The following NEGR1 variants were observed in gnomAD, a reference collection of about 807,000 sequenced individuals.
NEGR1 encodes the protein IgLON family member 4.
Under a neutral mutation model 40.9 loss-of-function variants are expected in NEGR1, and 10 were observed. The observed-to-expected ratio is 0.24, with a 90% CI of 0.15 to 0.42. NEGR1 has a LOEUF of 0.42. NEGR1 is among the 10% of genes least tolerant of loss of function. NEGR1 has a pLI of 1.00. For synonymous variants in NEGR1, 185 were observed against 166.8 expected, an observed-to-expected ratio of 1.11 and a Z score of -0.84; for missense variants, 352 against 438.9, an observed-to-expected ratio of 0.80 and a Z score of 1.77.
intron 2 of NEGR1, among the ~76,000 whole-genome samples, chr1:71,885,392 C>A (rs1401768246): frequency 6.6e-6 from 1 of 152,212 alleles, no homozygotes; most frequent in East Asian, 1.9e-4. Context: ...CTCCAGAAGT[C>A]TTGACTCACA....
intron 1 of NEGR1, among the ~76,000 whole-genome samples, chr1:72,191,324 A>G (rs1278040180): frequency 6.6e-6 from 1 of 151,746 alleles, no homozygotes; most frequent in Non-Finnish European, 1.5e-5. Context: ...TATGTGGTTA[A>G]AAGTTCCATG....
chr1:71,776,114 G>A (rs1656497897), intron 3 of NEGR1, 58 bp downstream of exon 3: 1 of 1,349,824 alleles, frequency 7.4e-7, no homozygotes, highest in Non-Finnish European at 9.9e-7. Context: ...AGTGAGGTTA[G>A]TGAGGTTACA....
intron 2 of NEGR1, among the ~76,000 whole-genome samples, chr1:71,923,876 T>G (rs1645744606): frequency 6.6e-6 from 1 of 152,150 alleles, no homozygotes; most frequent in Non-Finnish European, 1.5e-5. Flanking sequence ...TCACTGGGCC[T>G]GACTGGATAA....
At chr1:71,719,297 A>G (rs1654376264) in intron 3 of NEGR1, among the ~76,000 whole-genome samples, 1 of 152,232 alleles carries the variant, frequency 6.6e-6, no homozygotes, top group African/African-American at 2.4e-5. Context: ...TACATAACAA[A>G]TGTTCATTTC....
At chr1:71,767,268 A>G (rs1258234824) in intron 3 of NEGR1, among the ~76,000 whole-genome samples, 2 of 152,162 alleles carry the variant, frequency 1.3e-5, no homozygotes, top group African/African-American at 4.8e-5. Flanking sequence ...TGATAGGGAT[A>G]TGGACAATGA....
intron 6 of NEGR1, among the ~76,000 whole-genome samples, chr1:71,441,833 GAT>G (rs992301560): frequency 1.1e-4 from 17 of 152,248 alleles, no homozygotes; most frequent in African/African-American, 4.1e-4. Context: ...TACAAACAAA[GAT>G]AGTCCAATTA....
At chr1:72,121,757 C>T (rs1649813449) in intron 1 of NEGR1, among the ~76,000 whole-genome samples, 1 of 151,958 alleles carries the variant, frequency 6.6e-6, no homozygotes, top group South Asian at 2.1e-4. Flanking sequence ...CACCAAAATT[C>T]AATGTTTAAA....
At chr1:71,879,049 C>G (rs939908792) in intron 2 of NEGR1, among the ~76,000 whole-genome samples, 1 of 151,642 alleles carries the variant, frequency 6.6e-6, no homozygotes, top group Non-Finnish European at 1.5e-5. Context: ...AGGAGAATCA[C>G]TTGAACCCGG....
At chr1:72,133,775 T>A (rs1384561692) in intron 1 of NEGR1, among the ~76,000 whole-genome samples, 1 of 151,320 alleles carries the variant, frequency 6.6e-6, no homozygotes, top group East Asian at 1.9e-4. Flanking sequence ...ATAGAAAAAA[T>A]AATTAATTAT....
At chr1:71,721,479 A>G (rs1316022987) in intron 3 of NEGR1, among the ~76,000 whole-genome samples, 4 of 56,740 alleles carry the variant, frequency 7.0e-5, no homozygotes, top group African/African-American at 1.3e-4. Flanking sequence ...TGGTACAAAA[A>G]ATAAAATAAA....
chr1:72,054,041 A>G (rs1647087420), intron 1 of NEGR1, among the ~76,000 whole-genome samples: 1 of 151,294 alleles, frequency 6.6e-6, no homozygotes, highest in Non-Finnish European at 1.5e-5. Flanking sequence ...TAAACCTGCT[A>G]GACTTAATTA....
In NEGR1 at chr1:71,784,924, T is replaced by C. The variant is rs1279528844; in HGVS notation, c.410-8627A>G. On this transcript the variant is annotated intron_variant, in intron 2 of 6. Transcript: ENST00000357731. ...TTTGGTTGCAGGCAAATTTCTCGCA[T>C]GCTGTACAAACATTTTATTTTGAAG... Among the ~76,000 whole-genome samples, 170 of 152,344 alleles carry C rather than the reference T, an allele frequency of 1.1e-3. 2 individuals carry two copies. The highest frequency in any genetic ancestry group is 2.9e-5 in the Non-Finnish European group (2 of 68,026).
intron 2 of NEGR1, among the ~76,000 whole-genome samples, chr1:71,807,023 G>T (rs1657801791): frequency 6.6e-6 from 1 of 151,014 alleles, no homozygotes; most frequent in Admixed American, 6.6e-5. Context: ...CTCCCAAGTA[G>T]CTGGGACTAC....
chr1:72,244,889 A>G (rs1267558065), intron 1 of NEGR1, among the ~76,000 whole-genome samples: 1 of 152,002 alleles, frequency 6.6e-6, no homozygotes, highest in Non-Finnish European at 1.5e-5. Context: ...GATACATCAA[A>G]GCCTTTTTGT....
chr1:72,258,012 G>C (rs1655331344), intron 1 of NEGR1, among the ~76,000 whole-genome samples: 1 of 152,092 alleles, frequency 6.6e-6, no homozygotes. Flanking sequence ...GATGGCAATA[G>C]ATCTATTGCC....
Position 71,399,364 on chromosome 1 carries a change from A to T in NEGR1, c.*8082T>A, listed in dbSNP as rs893576712. On this transcript the variant is annotated 3_prime_UTR_variant, in exon 7 of 7. Transcript: ENST00000357731. ...CAAAGCATAATTTAGTTGTTTATCA[A>T]CAAGAAAAATGTATTACAAGAAATT... is the stretch of plus-strand genomic sequence containing the variant. The T allele has an allele frequency of 2.0e-5, 3 of 152,198 alleles. No homozygotes were observed. The highest frequency in any genetic ancestry group is 7.2e-5 in the African/African-American group (3 of 41,460). 9.4% of individuals were successfully genotyped at this position (152,198 alleles called of 1,614,324 possible).
In NEGR1 at chr1:71,481,588, T is replaced by C. The variant is rs556474026; in HGVS notation, c.941-74018A>G. 2.6e-5 allele frequency among the ~76,000 whole-genome samples: 4 copies of C among 152,038 alleles called. No homozygotes were observed. In the South Asian group the frequency reaches 8.3e-4, roughly 32 times the overall value. The stretch of plus-strand genomic sequence containing the variant: ...GGTGTTCTTTGGAGCATGATTTTTA[T>C]ACGAATAGTCTAGATTTTTCCACCA... On this transcript the variant is annotated intron_variant, in intron 6 of 6. Coordinates refer to ENST00000357731, the MANE Select transcript of NEGR1 (RefSeq NM_173808.3).
intron 4 of NEGR1, among the ~76,000 whole-genome samples, chr1:71,685,158 G>A (rs1414326677): frequency 4.6e-5 from 7 of 151,964 alleles, no homozygotes; most frequent in Non-Finnish European, 8.8e-5. Context: ...CTTTTTGTGC[G>A]TGTTTCAATT....
At chr1:71,573,223 A>G (rs1648860629) in intron 6 of NEGR1, among the ~76,000 whole-genome samples, 1 of 152,168 alleles carries the variant, frequency 6.6e-6, no homozygotes, top group African/African-American at 2.4e-5. Flanking sequence ...CACAGAGGAA[A>G]ATTGGGGAGG....
Sources: gnomAD v4.1 joint callset for allele counts (sites outside exome capture counted in the v4.1 genomes callset) on GRCh38, gnomAD v4.1.1 for gene constraint, MANE v1.5 for transcripts, NCBI Gene and HGNC (gene_info 2026-07-23, HGNC 2026-07-21) for gene names.